SACS: variants seen among roughly 807,000 people sequenced by gnomAD.
The protein encoded by SACS is sacsin.
A neutral mutation model predicts 348.0 loss-of-function variants in SACS; 197 were observed. The ratio of observed to expected loss-of-function variants is 0.57; its 90% CI spans 0.50 to 0.64. The LOEUF is 0.64. SACS is among the 30% of genes least tolerant of loss of function. SACS has a pLI of 0.00. For synonymous variants in SACS, 1,985 were observed against 1,910.6 expected, an observed-to-expected ratio of 1.04 and a Z score of -1.02; for missense variants, 4,999 against 5,360.8, an observed-to-expected ratio of 0.93 and a Z score of 2.11.
chr13:23,330,762 C>T lies in SACS; in HGVS notation c.13114G>A (p.Ala4372Thr). The change falls in exon 10 of 10, where the codon GCA becomes ACA. Residue 4372 changes from alanine (A) to threonine (T), a missense_variant. Transcript: ENST00000382292. ...LEKQAFLDQNADRASRRTFST... is the reference protein window; with the variant it reads ...LEKQAFLDQNTDRASRRTFST... ...AATGTTCGTCTGGAGGCCCTGTCTG[C>T]ATTTTGATCTAGAAAAGCCTGTTTT... is the stretch of plus-strand genomic sequence containing the variant. 3 of 1,613,778 alleles carry T rather than the reference C, an allele frequency of 1.9e-6. No individual in the cohort carries two copies. The highest frequency in any genetic ancestry group is 2.5e-6 in the Non-Finnish European group (3 of 1,179,870).
chr13:23,381,355 G>A (rs1354687985), intron 2 of SACS, among the ~76,000 whole-genome samples: 1 of 140,072 alleles, frequency 7.1e-6, no homozygotes, highest in African/African-American at 2.7e-5. Context: ...GCAGCACGAA[G>A]CACACACACA....
At chr13:23,433,300 C>T (rs1237321716) in intron 1 of SACS, among the ~76,000 whole-genome samples, 1 of 152,156 alleles carries the variant, frequency 6.6e-6, no homozygotes, top group South Asian at 2.1e-4. Flanking sequence ...TTGACCGCGG[C>T]AGATCTCTCT....
At chr13:23,410,400 A>T (rs9510725) in intron 2 of SACS, among the ~76,000 whole-genome samples, 110,898 of 152,082 alleles carry the variant, frequency 0.73, 40,475 homozygotes, top group East Asian at 0.83. Flanking sequence ...AGTATCACTT[A>T]GTTCCACTGT....
At position 23,335,720 on chromosome 13, in the gene SACS, G is replaced by C; in HGVS notation, c.8156C>G (p.Ser2719Ter). 1 of 1,614,034 alleles carries C rather than the reference G, an allele frequency of 6.2e-7. No individual in the cohort carries two copies. The highest frequency in any genetic ancestry group is 8.5e-7 in the Non-Finnish European group (1 of 1,179,900). ...KVSEISSVPA[S>*]DRMVQNLLDK... ...CAAAAGATTCTGGACCATTCTGTCTGATGCTGGAACAGACGAAATTTCCGA... is the reference window on the plus strand; with the variant it reads ...CAAAAGATTCTGGACCATTCTGTCTCATGCTGGAACAGACGAAATTTCCGA... Residue 2719 changes from serine (S) to a stop codon, truncating the protein, a stop_gained, in exon 10 of 10, where the codon TCA (serine) becomes TGA (stop). Coordinates refer to ENST00000382292, the MANE Select transcript of SACS (RefSeq NM_014363.6). LOFTEE classifies it high-confidence loss of function. The surrounding 1 kb of genome is among the most constrained non-coding windows in gnomAD (Gnocchi z 4.7).
rs1871671406 is a variant in SACS, at chr13:23,375,171, G to A, written c.119C>T (p.Ala40Val). 1.3e-6 allele frequency: 2 copies of A among 1,505,412 alleles called. No individual in the cohort carries two copies. Among genetic ancestry groups the A allele is most frequent in the Non-Finnish European group, 1.8e-6 (2 of 1,127,410 alleles). 93.3% of individuals were successfully genotyped at this position (1,505,412 alleles called of 1,614,324 possible). A position where few individuals can be genotyped will look rare whatever the true frequency, so the allele number is the denominator to read the frequency against. ...TVRDVKERIF[A>V]ETGFPVSEQR... ...CTCCGACACCGGGAAGCCAGTCTCC[G>A]CGAAGATACGTTCCTTCACATCGCG... Residue 40 changes from alanine (A) to valine (V), a missense_variant, in exon 3 of 10, where the codon GCG becomes GTG. Ala to Val is a moderately conservative substitution (Grantham distance 64). Around this residue, in one of 6 missense-constraint regions of SACS, gnomAD observed 3,156 missense variants for 3,380.1 expected, o/e 0.93. Coordinates refer to ENST00000382292, the MANE Select transcript of SACS (RefSeq NM_014363.6).
At chr13:23,390,840 C>A (rs1477295935) in intron 2 of SACS, among the ~76,000 whole-genome samples, 2 of 152,216 alleles carry the variant, frequency 1.3e-5, no homozygotes, top group Non-Finnish European at 2.9e-5. Flanking sequence ...AAGTAGCGAG[C>A]GTGTTCATGT....
chr13:23,417,249 T>C (rs998405354), intron 1 of SACS, among the ~76,000 whole-genome samples: 1 of 152,188 alleles, frequency 6.6e-6, no homozygotes, highest in Non-Finnish European at 1.5e-5. Flanking sequence ...TTAAATATCA[T>C]TGAAATGTCA....
At chr13:23,345,774 C>T (rs1869558867) in intron 9 of SACS, among the ~76,000 whole-genome samples, 1 of 152,254 alleles carries the variant, frequency 6.6e-6, no homozygotes, top group Admixed American at 6.5e-5. Flanking sequence ...TTTAGTGTAT[C>T]ACCTGCTTCA....
chr13:23,392,437 T>G (rs1454695052), intron 2 of SACS, among the ~76,000 whole-genome samples: 1 of 152,164 alleles, frequency 6.6e-6, no homozygotes, highest in African/African-American at 2.4e-5. Flanking sequence ...GACAGGCACT[T>G]TGGGGTGTGA....
intron 2 of SACS, among the ~76,000 whole-genome samples, chr13:23,380,402 T>C (rs534118144): frequency 6.6e-6 from 1 of 152,262 alleles, no homozygotes; most frequent in East Asian, 1.9e-4. Context: ...TTTTAATTTC[T>C]GTATGGGGCG....
chr13:23,370,940 T>G, intron 4 of SACS, 138 bp downstream of exon 4: 6 of 467,758 alleles, frequency 1.3e-5, no homozygotes, highest in East Asian at 3.4e-5. Flanking sequence ...TGTGGTGAGC[T>G]GAGATTGTGC....
At chr13:23,369,343 G>A (rs1202338636) in intron 4 of SACS, among the ~76,000 whole-genome samples, 1 of 152,156 alleles carries the variant, frequency 6.6e-6, no homozygotes, top group Non-Finnish European at 1.5e-5. Flanking sequence ...TCAGACAAGT[G>A]ACAGGGCTGT....
Position 23,334,981 on chromosome 13 carries a change from A to C in SACS, c.8895T>G (p.Val2965=), listed in dbSNP as rs1216725255. Residue 2965 remains valine (V), a synonymous_variant, in exon 10 of 10, where the codon GTT becomes GTG. Transcript: ENST00000382292. The part of the protein sequence containing the change: ...TLKKFLSFFP[V]NRLDLQPDLY... Reference sequence around the variant, plus strand: ...AATCTGGCTGTAGATCAAGACGGTTAACTGGGAAAAACGATAAAAACTTCT... The same window carrying C: ...AATCTGGCTGTAGATCAAGACGGTTCACTGGGAAAAACGATAAAAACTTCT... 3.7e-6 allele frequency: 6 copies of C among 1,613,922 alleles called. No individual in the cohort carries two copies. Among genetic ancestry groups the C allele is most frequent in the Non-Finnish European group, 5.1e-6 (6 of 1,179,832 alleles).
chr13:23,351,024 C>G (rs971177521), intron 9 of SACS, among the ~76,000 whole-genome samples: 8 of 152,108 alleles, frequency 5.3e-5, no homozygotes, highest in African/African-American at 1.2e-4. Context: ...CCTGCCACAG[C>G]TATAATCTCC....
rs1883502413 is a variant in SACS at position 23,331,913 on chromosome 13, T to C, written c.11963A>G (p.Lys3988Arg). The C allele has an allele frequency of 6.2e-7, 1 of 1,614,066 alleles. No homozygotes were observed. The highest frequency in any genetic ancestry group is 8.5e-7 in the Non-Finnish European group (1 of 1,179,954). The change falls in exon 10 of 10, where the codon AAA becomes AGA. Residue 3988 changes from lysine to arginine, a missense_variant. By Grantham distance (26) the Lys-to-Arg change is conservative (BLOSUM62 2). Around this residue, in one of 6 missense-constraint regions of SACS, gnomAD observed 831 missense variants for 941.8 expected, o/e 0.88. Transcript: ENST00000382292. ...ACACAACGCTCCAAACTGACAAACT[T>C]TGGGAGTCTCTTCATCTAATTGTTC... ...LEEQLDEETP[K>R]VCQFGALCSL...
Position 23,331,681 on chromosome 13 carries a change from A to G in SACS, c.12195T>C (p.Ile4065=), listed in dbSNP as rs1286408517. Residue 4065 remains isoleucine, a synonymous_variant, in exon 10 of 10, where the codon ATT becomes ATC. Coordinates refer to ENST00000382292, the MANE Select transcript of SACS (RefSeq NM_014363.6). The stretch of plus-strand genomic sequence containing the variant: ...CAAAAGTTTCACTTCTGCTGTGGGG[A>G]ATAGGATTAAAACCTTTAACTCTTA... The part of the protein sequence containing the change: ...TTLRVKGFNP[I]PHSRSETFAF... 1 of 1,613,824 alleles carries G rather than the reference A, an allele frequency of 6.2e-7. No homozygotes were observed. Among genetic ancestry groups the G allele is most frequent in the Admixed American group, 1.7e-5 (1 of 59,992 alleles).
In SACS at chr13:23,406,493, C is replaced by G. The variant is rs148739502; in HGVS notation, c.20+4727G>C. On this transcript the variant is annotated intron_variant, in intron 2 of 9. Transcript: ENST00000382292. ...TGTATACTTATGTAACAAACCCACA[C>G]GTTCTGCACATGTATCCCAAAACTT... Among the ~76,000 whole-genome samples the G allele has an allele frequency of 8.5e-3, 1,286 of 151,812 alleles. 16 individuals carry two copies. Among genetic ancestry groups the G allele is most frequent in the African/African-American group, 0.03 (1,248 of 41,434 alleles).
At position 23,338,690 on chromosome 13, in the gene SACS, A is replaced by G; in HGVS notation, c.5186T>C (p.Leu1729Ser). Residue 1729 changes from leucine (L) to serine (S), a missense_variant, in exon 10 of 10, where the codon TTA (leucine) becomes TCA (serine). Leu to Ser is a moderately radical substitution (Grantham distance 145). Transcript: ENST00000382292. ...CSSKALNTPV[L>S]SVLKEAAKLM... ...CTTAGCAGCCTCTTTTAAAACACTT[A>G]AGACAGGTGTGTTCAATGCTTTGGA... 1 of 1,613,842 alleles carries G rather than the reference A, an allele frequency of 6.2e-7. No homozygotes were observed. Among genetic ancestry groups the G allele is most frequent in the Non-Finnish European group, 8.5e-7 (1 of 1,179,920 alleles).
In SACS at chr13:23,331,560, G is replaced by T; in HGVS notation, c.12316C>A (p.Leu4106Ile). The T allele has an allele frequency of 6.2e-7, 1 of 1,613,876 alleles. No homozygotes were observed. ...ATCAAATTGTCAGTTGCTGATTTAA[G>T]AGTCATTGCCAATGCTAACAGGAAA... is the stretch of plus-strand genomic sequence containing the variant. ...INFLLALAMT[L>I]KSATDNLISD... The change falls in exon 10 of 10, where the codon CTT (leucine) becomes ATT (isoleucine). Residue 4106 changes from leucine (L) to isoleucine (I), a missense_variant. Around this residue, in one of 6 missense-constraint regions of SACS, gnomAD observed 831 missense variants for 941.8 expected, o/e 0.88. Coordinates refer to ENST00000382292, the MANE Select transcript of SACS (RefSeq NM_014363.6).
Sources: gnomAD v4.1 joint callset for allele counts (sites outside exome capture counted in the v4.1 genomes callset) on GRCh38, gnomAD v4.1.1 for gene constraint, gnomAD v4.1.1 regional missense constraint, Gnocchi (gnomAD v3.1) non-coding constraint, MANE v1.5 for transcripts, NCBI Gene and HGNC (gene_info 2026-07-23, HGNC 2026-07-21) for gene names.